The following OSBPL11 variants were observed in gnomAD, a reference collection of about 807,000 sequenced individuals.
OSBPL11 encodes the protein oxysterol binding protein like 11.
In OSBPL11, 33 loss-of-function variants were observed where a neutral mutation model predicts 84.4. The ratio of observed to expected loss-of-function variants is 0.39; its 90% CI spans 0.30 to 0.52. OSBPL11 has a LOEUF of 0.52. Among genes scored for constraint, OSBPL11 ranks in the 20% least tolerant of loss-of-function variants. OSBPL11 has a pLI of 0.72. For missense variants in OSBPL11, 736 were observed against 901.1 expected (o/e 0.82, Z 2.35); for synonymous variants, 276 against 310.2 (o/e 0.89, Z 1.16).
In OSBPL11 at chr3:125,567,370, C is replaced by T. The variant is rs772463568; in HGVS notation, c.868+24G>A. ...CCATGTGTTGGCCTTCATTGTGAAG[C>T]CCTACCTTTAATCGACAACTTACCT... On this transcript the variant is annotated intron_variant, in intron 6 of 12. Coordinates refer to ENST00000296220, the MANE Select transcript of OSBPL11 (RefSeq NM_022776.5). 4 of 1,570,814 alleles carry T rather than the reference C, an allele frequency of 2.5e-6. No individual in the cohort carries two copies. The South Asian group carries it at 4.4e-5, about 17-fold the overall frequency.
At chr3:125,557,305 A>G (rs1444673818) in intron 8 of OSBPL11, among the ~76,000 whole-genome samples, 1 of 152,192 alleles carries the variant, frequency 6.6e-6, no homozygotes, top group African/African-American at 2.4e-5. Flanking sequence ...CCCAGTAAAT[A>G]TTTGTTAATT....
chr3:125,529,623 G>A lies in OSBPL11; in HGVS notation c.*892C>T, dbSNP rs1935527508. 1 of 152,488 alleles carries A rather than the reference G, an allele frequency of 6.6e-6. No individual in the cohort carries two copies. The highest frequency in any genetic ancestry group is 1.5e-5 in the Non-Finnish European group (1 of 67,998). The allele number at this position is 152,488 out of a possible 1,614,324, so 9.4% of individuals were successfully genotyped here. On this transcript the variant is annotated 3_prime_UTR_variant, in exon 13 of 13. Transcript: ENST00000296220. ...TAATACTGGATATTAACCTAAAGGTGAAAAGAAAGAAGGAAAAAAGTAACA... is the reference window on the plus strand; with the variant it reads ...TAATACTGGATATTAACCTAAAGGTAAAAAGAAAGAAGGAAAAAAGTAACA...
chr3:125,566,483 A>G (rs1437319987), intron 6 of OSBPL11, among the ~76,000 whole-genome samples: 2 of 152,164 alleles, frequency 1.3e-5, no homozygotes, highest in African/African-American at 2.4e-5. Flanking sequence ...ACACATGAGG[A>G]TGAGGTCCAT....
intron 9 of OSBPL11, among the ~76,000 whole-genome samples, chr3:125,548,414 A>G (rs1396976810): frequency 1.3e-5 from 2 of 152,298 alleles, no homozygotes; most frequent in East Asian, 3.9e-4. Flanking sequence ...TATGGTCATA[A>G]TAATTTTGTT....
intron 8 of OSBPL11, among the ~76,000 whole-genome samples, chr3:125,556,356 T>C (rs1935991254): frequency 6.6e-6 from 1 of 152,222 alleles, no homozygotes; most frequent in African/African-American, 2.4e-5. Flanking sequence ...GGTGAAGTTC[T>C]TAGTCTCCTC....
chr3:125,580,421 G>A (rs1377574795), intron 2 of OSBPL11, among the ~76,000 whole-genome samples: 2 of 148,116 alleles, frequency 1.4e-5, no homozygotes, highest in South Asian at 2.1e-4. Context: ...GGCTGAGGCA[G>A]GAAAATCGCT....
intron 11 of OSBPL11, among the ~76,000 whole-genome samples, chr3:125,535,007 AAG>A (rs1450495480): frequency 6.6e-6 from 1 of 151,246 alleles, no homozygotes; most frequent in Non-Finnish European, 1.5e-5. Flanking sequence ...AGGAGAAAAA[AAG>A]AGATTTTATA....
chr3:125,531,832 T>C lies in OSBPL11; in HGVS notation c.2178+29A>G, dbSNP rs772922841. The C allele has an allele frequency of 3.2e-6, 5 of 1,579,098 alleles. No homozygotes were observed. In the Admixed American group the frequency reaches 7.8e-5, roughly 25 times the overall value. On this transcript the variant is annotated intron_variant, in intron 12 of 12. Transcript: ENST00000296220. ...TAAAGTTCTCAGCCAAGTAGATACATTTTTATCTTGAACACATGTACAGCA... is the reference window on the plus strand; with the variant it reads ...TAAAGTTCTCAGCCAAGTAGATACACTTTTATCTTGAACACATGTACAGCA...
Position 125,578,968 on chromosome 3 carries a change from T to C in OSBPL11, c.481A>G (p.Ile161Val). Residue 161 changes from isoleucine to valine, a missense_variant, in exon 4 of 13, where the codon ATT (isoleucine) becomes GTT (valine). Ile to Val is a conservative substitution (Grantham distance 29). Coordinates refer to ENST00000296220, the MANE Select transcript of OSBPL11 (RefSeq NM_022776.5). Reference sequence around the variant, plus strand: ...TATATAAATCTACATACCTTTCCAATAGCTTCAGTATGATGCTGTGTACAT... The same window carrying C: ...TATATAAATCTACATACCTTTCCAACAGCTTCAGTATGATGCTGTGTACAT... ...QICTQHHTEA[I>V]GKNNPPLKSR... 2 of 1,557,758 alleles carry C rather than the reference T, an allele frequency of 1.3e-6. No homozygotes were observed. The highest frequency in any genetic ancestry group is 1.2e-5 in the South Asian group (1 of 81,778).
At chr3:125,576,093 C>A in intron 5 of OSBPL11, 96 bp downstream of exon 5, 1 of 1,076,582 alleles carries the variant, frequency 9.3e-7, no homozygotes, top group South Asian at 1.5e-5. Context: ...CAATGAAGGC[C>A]CTTGAAGACA....
intron 5 of OSBPL11, among the ~76,000 whole-genome samples, chr3:125,572,843 TTATTTATATA>T (rs1362728570): frequency 2.7e-5 from 4 of 146,934 alleles, no homozygotes; most frequent in African/African-American, 7.4e-5. Context: ...TATATATATT[TTATTTATATA>T]TATTTATATA....
chr3:125,542,236 C>T (rs1262906621), intron 10 of OSBPL11, among the ~76,000 whole-genome samples: 2 of 151,998 alleles, frequency 1.3e-5, no homozygotes, highest in Non-Finnish European at 1.5e-5. Context: ...AAAGCTTGTA[C>T]CAAACTACCG....
chr3:125,577,587 G>A (rs560291999), intron 4 of OSBPL11, among the ~76,000 whole-genome samples: 4 of 152,218 alleles, frequency 2.6e-5, no homozygotes, highest in East Asian at 1.9e-4. Context: ...CAGCACTTTG[G>A]GAGACTGAGG....
chr3:125,583,078 T>C lies in OSBPL11; in HGVS notation c.165-100A>G. 8 of 718,842 alleles carry C rather than the reference T, an allele frequency of 1.1e-5. 1 individual carries two copies. In the South Asian group the frequency reaches 1.7e-4, roughly 15 times the overall value. The allele number at this position is 718,842 out of a possible 1,614,324, so 44.5% of individuals were successfully genotyped here. A position where few individuals can be genotyped will look rare whatever the true frequency, so the allele number is the denominator to read the frequency against. Reference sequence around the variant, plus strand: ...AATAGCTGCAGATACATATATGCTCTATAAATGCCTCAAATTTTATTGAGA... The same window carrying C: ...AATAGCTGCAGATACATATATGCTCCATAAATGCCTCAAATTTTATTGAGA... On this transcript the variant is annotated intron_variant, in intron 1 of 12. Transcript: ENST00000296220.
chr3:125,534,951 G>GAAAAAAAAAAAAAAAAAA (rs56164804), intron 11 of OSBPL11, among the ~76,000 whole-genome samples: 2 of 64,654 alleles, frequency 3.1e-5, no homozygotes, highest in African/African-American at 7.5e-5. Context: ...TAAGAAATTA[G>GAAAAAAAAAAAAAAAAAA]AAAAAAAAAA....
chr3:125,592,885 T>C (rs1580069045), intron 1 of OSBPL11, among the ~76,000 whole-genome samples: 1 of 151,988 alleles, frequency 6.6e-6, no homozygotes, highest in South Asian at 2.1e-4. Flanking sequence ...AACCTAAACA[T>C]AAGCACTAAA....
chr3:125,563,603 G>T, intron 7 of OSBPL11, 95 bp downstream of exon 7: 1 of 1,218,698 alleles, frequency 8.2e-7, no homozygotes, highest in Non-Finnish European at 1.2e-6. Context: ...CAGGTGTTAA[G>T]TTGATGTGCA....
intron 8 of OSBPL11, among the ~76,000 whole-genome samples, chr3:125,557,077 A>G (rs1936000656): frequency 6.6e-6 from 1 of 152,252 alleles, no homozygotes; most frequent in African/African-American, 2.4e-5. Flanking sequence ...AAGAAAGATA[A>G]AAGTGAGAGC....
At chr3:125,572,865 TTATA>T (rs950498593) in intron 5 of OSBPL11, among the ~76,000 whole-genome samples, 5 of 146,148 alleles carry the variant, frequency 3.4e-5, no homozygotes, top group Admixed American at 6.9e-5. Flanking sequence ...ATTTATATAT[TTATA>T]TATATATTTT....
Sources: gnomAD v4.1 joint callset for allele counts (sites outside exome capture counted in the v4.1 genomes callset) on GRCh38, gnomAD v4.1.1 for gene constraint, MANE v1.5 for transcripts, NCBI Gene and HGNC (gene_info 2026-07-23, HGNC 2026-07-21) for gene names.